Variants in GPR137C observed in about 807,000 individuals in gnomAD.
GPR137C encodes G protein-coupled receptor 137C, also known as integral membrane protein GPR137C.
In GPR137C, 27 loss-of-function variants were observed where a neutral mutation model predicts 43.4. The observed-to-expected ratio is 0.62, with a 90% CI of 0.46 to 0.86. GPR137C has a LOEUF of 0.86. Ranked by LOEUF, GPR137C falls within the 40% of genes least tolerant of loss-of-function variation. GPR137C has a pLI of 0.00. For missense variants in GPR137C, 522 were observed against 534.6 expected, an observed-to-expected ratio of 0.98 and a Z score of 0.23; for synonymous variants, 285 against 226.9, an observed-to-expected ratio of 1.26 and a Z score of -2.30.
intron 1 of GPR137C, among the ~76,000 whole-genome samples, chr14:52,554,824 A>C (rs1324817746): frequency 1.3e-5 from 2 of 152,344 alleles, no homozygotes; most frequent in East Asian, 1.9e-4. Flanking sequence ...TCATAATGTC[A>C]GCTATTTAGC....
intron 1 of GPR137C, among the ~76,000 whole-genome samples, chr14:52,557,881 A>G (rs1379632526): frequency 2.0e-5 from 3 of 152,180 alleles, no homozygotes; most frequent in African/African-American, 7.2e-5. Flanking sequence ...CACTTCTTTA[A>G]TAGTGCTTTT....
chr14:52,596,104 T>G (rs1462353147), intron 1 of GPR137C, among the ~76,000 whole-genome samples: 7 of 152,214 alleles, frequency 4.6e-5, no homozygotes, highest in African/African-American at 1.7e-4. Context: ...TGGAGTTTGC[T>G]AGAGGTCCAC....
Position 52,635,751 on chromosome 14 carries a change from A to G in GPR137C, c.*636A>G, listed in dbSNP as rs1231218571. On this transcript the variant is annotated 3_prime_UTR_variant, in exon 7 of 7. Transcript: ENST00000321662. ...CAGCAGTGTTCTTTGGAGAGCCACA[A>G]TAATTTCAAGAGGAAAATATACCAG... is the stretch of plus-strand genomic sequence containing the variant. 6.6e-6 allele frequency: 1 copy of G among 152,128 alleles called. No homozygotes were observed. The allele number at this position is 152,128 out of a possible 1,614,324, so 9.4% of individuals were successfully genotyped here.
At chr14:52,563,218 CAT>C (rs1181788956) in intron 1 of GPR137C, among the ~76,000 whole-genome samples, 1 of 152,150 alleles carries the variant, frequency 6.6e-6, no homozygotes, top group African/African-American at 2.4e-5. Context: ...TTTGTAAGCT[CAT>C]GTGCCTGTCT....
chr14:52,556,550 A>C (rs1223108214), intron 1 of GPR137C, among the ~76,000 whole-genome samples: 1 of 151,942 alleles, frequency 6.6e-6, no homozygotes, highest in Non-Finnish European at 1.5e-5. Context: ...CACCTTGTAC[A>C]CTAATCTAAA....
chr14:52,555,266 A>G (rs1423876228), intron 1 of GPR137C, among the ~76,000 whole-genome samples: 2 of 152,148 alleles, frequency 1.3e-5, no homozygotes, highest in African/African-American at 4.8e-5. Context: ...AATAGTTGGT[A>G]GGCATTTCAT....
intron 1 of GPR137C, among the ~76,000 whole-genome samples, chr14:52,577,182 TC>T (rs1380876535): frequency 7.8e-4 from 16 of 20,430 alleles, no homozygotes; most frequent in Non-Finnish European, 1.2e-3. Context: ...GTAAGACTCC[TC>T]AAAAAAAAAA....
intron 1 of GPR137C, among the ~76,000 whole-genome samples, chr14:52,590,198 T>C (rs1262509135): frequency 6.6e-6 from 1 of 151,996 alleles, no homozygotes; most frequent in Non-Finnish European, 1.5e-5. Context: ...ATGTCTTAGC[T>C]TTTAAGAAAA....
intron 1 of GPR137C, among the ~76,000 whole-genome samples, chr14:52,584,555 A>T (rs916447296): frequency 6.6e-6 from 1 of 151,774 alleles, no homozygotes; most frequent in Non-Finnish European, 1.5e-5. Flanking sequence ...TGTGTATAAG[A>T]CTCCTCCTTT....
intron 3 of GPR137C, among the ~76,000 whole-genome samples, chr14:52,608,259 A>G (rs1260867461): frequency 6.6e-6 from 1 of 151,964 alleles, no homozygotes; most frequent in African/African-American, 2.4e-5. Flanking sequence ...TTTTTAGTGT[A>G]TCTGTTATAG....
At chr14:52,566,291 A>T (rs954154054) in intron 1 of GPR137C, among the ~76,000 whole-genome samples, 1 of 152,206 alleles carries the variant, frequency 6.6e-6, no homozygotes, top group Non-Finnish European at 1.5e-5. Flanking sequence ...CTCAGAGTAT[A>T]AAAAAGCTTA....
intron 3 of GPR137C, among the ~76,000 whole-genome samples, chr14:52,627,492 T>A (rs1463908772): frequency 6.6e-6 from 1 of 152,082 alleles, no homozygotes; most frequent in Non-Finnish European, 1.5e-5. Context: ...ATAAAGTGGT[T>A]TAAAAAGAAG....
At chr14:52,611,972 G>T in intron 3 of GPR137C, 1 of 985,276 alleles carries the variant, frequency 1.0e-6, no homozygotes, top group Non-Finnish European at 1.2e-6. Flanking sequence ...ACAAAACTTG[G>T]AAAAATCCTT....
chr14:52,605,081 A>G (rs1028282292), intron 3 of GPR137C, among the ~76,000 whole-genome samples: 1 of 152,108 alleles, frequency 6.6e-6, no homozygotes, highest in African/African-American at 2.4e-5. Flanking sequence ...CTTTTCTTCT[A>G]TTTCTTTGAA....
intron 3 of GPR137C, among the ~76,000 whole-genome samples, chr14:52,600,958 G>A (rs2038916982): frequency 6.6e-6 from 1 of 152,162 alleles, no homozygotes; most frequent in Non-Finnish European, 1.5e-5. Flanking sequence ...TAATATGAAG[G>A]CTGTGTGATA....
chr14:52,615,391 T>G (rs1477509655), intron 3 of GPR137C, among the ~76,000 whole-genome samples: 1 of 152,026 alleles, frequency 6.6e-6, no homozygotes, highest in East Asian at 1.9e-4. Flanking sequence ...GTAATATGAT[T>G]GCTCGAGTTT....
chr14:52,593,036 A>G (rs71422092), intron 1 of GPR137C, among the ~76,000 whole-genome samples: 16,106 of 152,214 alleles, frequency 0.11, 1,109 homozygotes, highest in Non-Finnish European at 0.15. Context: ...AGTTTTTAGC[A>G]TGAAGGGCTG....
intron 1 of GPR137C, among the ~76,000 whole-genome samples, chr14:52,563,458 C>T (rs931506802): frequency 6.6e-6 from 1 of 152,122 alleles, no homozygotes; most frequent in African/African-American, 2.4e-5. Context: ...CTTTCTTCCT[C>T]CTCTCCCACC....
At chr14:52,571,878 G>GAATCAAATA (rs1162229053) in intron 1 of GPR137C, among the ~76,000 whole-genome samples, 3 of 151,952 alleles carry the variant, frequency 2.0e-5, no homozygotes, top group African/African-American at 7.3e-5. Flanking sequence ...AAAGAAAGAG[G>GAATCAAATA]AATCAAATAG....
Sources: gnomAD v4.1 joint callset for allele counts (sites outside exome capture counted in the v4.1 genomes callset) on GRCh38, gnomAD v4.1.1 for gene constraint, MANE v1.5 for transcripts, NCBI Gene and HGNC (gene_info 2026-07-23, HGNC 2026-07-21) for gene names.